CHD8: variants seen among roughly 807,000 people sequenced by gnomAD.
CHD8 encodes the protein chromodomain helicase DNA binding protein 8, also known as ATP-dependent chromatin remodeler CHD8.
A neutral mutation model predicts 279.2 loss-of-function variants in CHD8; 31 were observed. The ratio of observed to expected loss-of-function variants is 0.11; its 90% CI spans 0.08 to 0.15. CHD8 has a LOEUF of 0.15. Ranked by LOEUF, CHD8 falls within the 10% of genes least tolerant of loss-of-function variation. The pLI is 1.00. For synonymous variants in CHD8, 1,081 were observed against 1,139.6 expected, an observed-to-expected ratio of 0.95 and a Z score of 1.04; for missense variants, 2,146 against 3,230.5, an observed-to-expected ratio of 0.66 and a Z score of 8.14.
chr14:21,445,288 T>C (rs1323436660), intron 1 of CHD8, among the ~76,000 whole-genome samples: 2 of 152,168 alleles, frequency 1.3e-5, no homozygotes, highest in Admixed American at 6.5e-5. Flanking sequence ...AACAAAAAGT[T>C]GGGCCAGGCG....
At chr14:21,434,108 C>A (rs988577780) in intron 1 of CHD8, among the ~76,000 whole-genome samples, 1 of 149,502 alleles carries the variant, frequency 6.7e-6, no homozygotes, top group Non-Finnish European at 1.5e-5. Flanking sequence ...TGCAATGGCG[C>A]GATCTCGGCT....
At chr14:21,426,405 G>A in intron 4 of CHD8, 163 bp from the exon 5 acceptor site, 2 of 582,630 alleles carry the variant, frequency 3.4e-6, no homozygotes, top group Non-Finnish European at 6.0e-6. Flanking sequence ...TTGAAAAAAA[G>A]AAGATATTAG....
chr14:21,399,473 CT>C, intron 26 of CHD8, 128 bp downstream of exon 26: 1 of 684,194 alleles, frequency 1.5e-6, no homozygotes, highest in Non-Finnish European at 2.6e-6. Flanking sequence ...TTAAGAACTA[CT>C]TTCCTACTCA....
chr14:21,399,721 G>A lies in CHD8; in HGVS notation c.4818-16C>T. ...GTCAATCTCACTAAAGGTATAAGAG[G>A]GCAGAGTCAGCACAGAAATGCAGGA... On this transcript the variant is annotated splice_polypyrimidine_tract_variant and intron_variant, in intron 25 of 37. Coordinates refer to ENST00000646647, the MANE Select transcript of CHD8 (RefSeq NM_001170629.2). 6.6e-7 allele frequency: 1 copy of A among 1,521,072 alleles called. No homozygotes were observed. The highest frequency in any genetic ancestry group is 9.1e-7 in the Non-Finnish European group (1 of 1,095,508). 94.2% of individuals were successfully genotyped at this position (1,521,072 alleles called of 1,614,324 possible).
At chr14:21,452,608 C>A (rs560828550) in intron 1 of CHD8, among the ~76,000 whole-genome samples, 39 of 151,974 alleles carry the variant, frequency 2.6e-4, no homozygotes, top group South Asian at 1.0e-3. Flanking sequence ...CGCGCCACTG[C>A]GCTCCAGCCT....
intron 5 of CHD8, among the ~76,000 whole-genome samples, chr14:21,417,147 A>T (rs1009450396): frequency 2.6e-5 from 4 of 152,252 alleles, no homozygotes; most frequent in African/African-American, 9.6e-5. Context: ...GGCAAAAATC[A>T]GCAAGTTTGA....
intron 1 of CHD8, among the ~76,000 whole-genome samples, chr14:21,433,283 T>C (rs553996735): frequency 9.2e-5 from 14 of 152,282 alleles, no homozygotes; most frequent in African/African-American, 2.6e-4. Context: ...TGGCTGAAAG[T>C]AGGTTCACAA....
At chr14:21,391,164 A>G in intron 36 of CHD8, 101 bp from the exon 37 acceptor site, 1 of 830,224 alleles carries the variant, frequency 1.2e-6, no homozygotes, top group Non-Finnish European at 1.9e-6. Context: ...CACTTATTAC[A>G]TAGATAAAGG....
In CHD8 at chr14:21,431,537, G is replaced by A; in HGVS notation, c.107C>T (p.Ala36Val). The A allele has an allele frequency of 6.5e-7, 1 of 1,537,182 alleles. No individual in the cohort carries two copies. Among genetic ancestry groups the A allele is most frequent in the Non-Finnish European group, 8.7e-7 (1 of 1,146,892 alleles). The stretch of plus-strand genomic sequence containing the variant: ...GTCCAGAGAGCTTGGCAGTCCAAGG[G>A]CTTCCTCAATGGGGTCTTGTGTGAC... ...NQVTQDPIEE[A>V]LGLPSSLDSL... The change falls in exon 2 of 38, where the codon GCC becomes GTC. Residue 36 changes from alanine to valine, a missense_variant. Ala to Val is a moderately conservative substitution (Grantham distance 64). Coordinates refer to ENST00000646647, the MANE Select transcript of CHD8 (RefSeq NM_001170629.2).
At chr14:21,436,899 A>T in intron 1 of CHD8, 1 of 1,271,470 alleles carries the variant, frequency 7.9e-7, no homozygotes, top group Non-Finnish European at 1.0e-6. Context: ...CGGGTACATT[A>T]CCTGCTCATA....
At chr14:21,411,743 G>GTTA (rs1270987497) in intron 10 of CHD8, among the ~76,000 whole-genome samples, 1 of 152,196 alleles carries the variant, frequency 6.6e-6, no homozygotes, top group Admixed American at 6.5e-5. Context: ...ATTCACTGGT[G>GTTA]GCTAAGACCT....
intron 1 of CHD8, among the ~76,000 whole-genome samples, chr14:21,433,516 T>C (rs1057135768): frequency 6.6e-6 from 1 of 152,252 alleles, no homozygotes; most frequent in Non-Finnish European, 1.5e-5. Context: ...GGCACAGTCC[T>C]GACTGAAGGA....
At position 21,403,728 on chromosome 14, in the gene CHD8, A is replaced by G. The variant is rs753512281; in HGVS notation, c.3308-65T>C. ...ACCATATTAAGGTTGTAGTCTATTTAACTAAGAAAGCAAAAGGAAAAAAAT... is the reference window on the plus strand; with the variant it reads ...ACCATATTAAGGTTGTAGTCTATTTGACTAAGAAAGCAAAAGGAAAAAAAT... On this transcript the variant is annotated intron_variant, in intron 16 of 37. Coordinates refer to ENST00000646647, the MANE Select transcript of CHD8 (RefSeq NM_001170629.2). The surrounding 1 kb of genome is among the most constrained non-coding windows in gnomAD (Gnocchi z 4.3). The G allele has an allele frequency of 1.2e-5, 16 of 1,327,840 alleles. No individual in the cohort carries two copies. The highest frequency in any genetic ancestry group is 1.7e-5 in the Non-Finnish European group (16 of 952,304). The allele number at this position is 1,327,840 out of a possible 1,614,324, so 82.3% of individuals were successfully genotyped here. A position where few individuals can be genotyped will look rare whatever the true frequency, so the allele number is the denominator to read the frequency against.
At position 21,400,521 on chromosome 14, in the gene CHD8, C is replaced by G. The variant is rs754553508; in HGVS notation, c.4462G>C (p.Val1488Leu). 7 of 1,613,334 alleles carry G rather than the reference C, an allele frequency of 4.3e-6. No individual in the cohort carries two copies. The highest frequency in any genetic ancestry group is 1.3e-5 in the African/African-American group (1 of 74,882). Reference protein sequence around the residue: ...DVETICRAILVYCLLHYRGDE... With the variant: ...DVETICRAILLYCLLHYRGDE... ...CCACGGTAGTGTAGAAGACAGTACACGAGAATGGCCCGACAAATGGTCTCC... is the reference window on the plus strand; with the variant it reads ...CCACGGTAGTGTAGAAGACAGTACAGGAGAATGGCCCGACAAATGGTCTCC... Residue 1488 changes from valine to leucine, a missense_variant, in exon 23 of 38, where the codon GTG (valine) becomes CTG (leucine). Val to Leu is a conservative substitution (Grantham distance 32, BLOSUM62 1). Transcript: ENST00000646647. This position sits in a 1 kb window ranked among gnomAD's most constrained non-coding sequence, Gnocchi z 4.2.
At chr14:21,404,393 C>T (rs1312684878) in intron 16 of CHD8, among the ~76,000 whole-genome samples, 2 of 138,494 alleles carry the variant, frequency 1.4e-5, no homozygotes, top group Non-Finnish European at 3.1e-5. Context: ...AGTGAAACTC[C>T]ATCTTAAAAA....
At chr14:21,423,201 G>C (rs1446994652) in intron 5 of CHD8, among the ~76,000 whole-genome samples, 3 of 152,116 alleles carry the variant, frequency 2.0e-5, no homozygotes, top group African/African-American at 7.2e-5. Context: ...TTGGGCAACA[G>C]AGCAGACTCT....
At chr14:21,411,220 C>T (rs1161231576) in intron 10 of CHD8, among the ~76,000 whole-genome samples, 5 of 152,138 alleles carry the variant, frequency 3.3e-5, no homozygotes, top group African/African-American at 4.8e-5. Context: ...TTAAGAGTAG[C>T]TAACAACCTG....
Position 21,385,839 on chromosome 14 carries a change from T to G in CHD8, c.7520A>C (p.His2507Pro), listed in dbSNP as rs2139427954. 6.7e-7 allele frequency: 1 copy of G among 1,495,598 alleles called. No homozygotes were observed. The highest frequency in any genetic ancestry group is 8.9e-7 in the Non-Finnish European group (1 of 1,120,780). 92.6% of individuals were successfully genotyped at this position (1,495,598 alleles called of 1,614,324 possible). A position where few individuals can be genotyped will look rare whatever the true frequency, so the allele number is the denominator to read the frequency against. ...GCCAGGGGCTCTCAAGCCTGGATGG[T>G]GATGGTGGTGATGGTGGGGGTGGGG... ...HHPHPHHHHH[H>P]HPGLRAPGYP... Residue 2507 changes from histidine (H) to proline (P), a missense_variant, in exon 38 of 38, where the codon CAC becomes CCC. Transcript: ENST00000646647.
At chr14:21,447,302 G>C (rs1364093493) in intron 1 of CHD8, among the ~76,000 whole-genome samples, 2 of 151,982 alleles carry the variant, frequency 1.3e-5, no homozygotes, top group African/African-American at 2.4e-5. Flanking sequence ...CCCCGTTAGG[G>C]TTAGGACTAT....
Sources: allele counts gnomAD v4.1 joint callset (sites outside exome capture counted in the v4.1 genomes callset), GRCh38; gene constraint gnomAD v4.1.1; non-coding constraint Gnocchi (gnomAD v3.1); transcripts MANE v1.5; gene names NCBI Gene and HGNC (gene_info 2026-07-23, HGNC 2026-07-21).